Variants in RASAL2 observed in about 807,000 individuals in gnomAD.
RASAL2 encodes ras GTPase-activating protein nGAP.
RASAL2 carries 58 observed loss-of-function variants against 128.9 expected under a neutral mutation model. The observed-to-expected ratio is 0.45, with a 90% CI of 0.36 to 0.56. The LOEUF (loss-of-function observed/expected upper bound fraction) is 0.56, where lower values mean the gene tolerates loss of function less well. Among genes scored for constraint, RASAL2 ranks in the 20% least tolerant of loss-of-function variants. The pLI, the probability that RASAL2 is intolerant of heterozygous loss-of-function variation, is 0.00. For missense variants in RASAL2, 1,360 were observed against 1,601.6 expected (o/e 0.85, Z 2.57); for synonymous variants, 561 against 580.8 (o/e 0.97, Z 0.49).
At chr1:178,223,462 T>G (rs73033424) in intron 1 of RASAL2, among the ~76,000 whole-genome samples, 1 of 152,070 alleles carries the variant, frequency 6.6e-6, no homozygotes, top group African/African-American at 2.4e-5. Context: ...GCAAGAGCCC[T>G]GTGGTGGGAA....
At chr1:178,221,869 A>T (rs935737092) in intron 1 of RASAL2, among the ~76,000 whole-genome samples, 6 of 152,058 alleles carry the variant, frequency 3.9e-5, no homozygotes, top group Admixed American at 1.3e-4. Flanking sequence ...AAAATTTCCA[A>T]CTGTAATACT....
intron 1 of RASAL2, among the ~76,000 whole-genome samples, chr1:178,257,620 C>T (rs1665433600): frequency 1.3e-5 from 2 of 151,876 alleles, no homozygotes; most frequent in African/African-American, 2.4e-5. Context: ...GGTGGCTGCC[C>T]ACGTGCTTGA....
chr1:178,467,476 C>T (rs944542656), intron 17 of RASAL2, 55 bp downstream of exon 17: 55 of 1,475,560 alleles, frequency 3.7e-5, no homozygotes, highest in Non-Finnish European at 5.0e-5. Flanking sequence ...CGATTATTTC[C>T]TGACTTCACA....
At chr1:178,369,169 T>A (rs1671567109) in intron 3 of RASAL2, among the ~76,000 whole-genome samples, 1 of 152,106 alleles carries the variant, frequency 6.6e-6, no homozygotes, top group African/African-American at 2.4e-5. Context: ...ATTTTCTTTT[T>A]TCTTTTTTTG....
At chr1:178,133,764 T>G (rs976293919) in intron 1 of RASAL2, among the ~76,000 whole-genome samples, 2 of 152,122 alleles carry the variant, frequency 1.3e-5, no homozygotes, top group Non-Finnish European at 2.9e-5. Context: ...CAGTAAGTAA[T>G]AGTGCTAAGT....
At chr1:178,358,604 A>G (rs543505213) in intron 3 of RASAL2, among the ~76,000 whole-genome samples, 2 of 152,358 alleles carry the variant, frequency 1.3e-5, no homozygotes, top group Admixed American at 6.5e-5. Flanking sequence ...TGCAAAATCA[A>G]CCATCTTATC....
At chr1:178,439,751 G>T (rs147526212) in intron 6 of RASAL2, among the ~76,000 whole-genome samples, 176 bp downstream of exon 6, 206 of 152,132 alleles carry the variant, frequency 1.4e-3, no homozygotes, top group African/African-American at 4.9e-3. Context: ...AATCATATTT[G>T]CAGTTAAAGT....
intron 4 of RASAL2, among the ~76,000 whole-genome samples, chr1:178,404,212 C>T (rs1274674477): frequency 1.5e-5 from 2 of 136,046 alleles, no homozygotes; most frequent in Admixed American, 8.0e-5. Flanking sequence ...GGCTACAGTG[C>T]GAGACCCCGT....
At chr1:178,423,757 T>A (rs758970156) in intron 5 of RASAL2, among the ~76,000 whole-genome samples, 14 of 152,188 alleles carry the variant, frequency 9.2e-5, no homozygotes, top group Non-Finnish European at 1.8e-4. Flanking sequence ...TGCTAATGCT[T>A]AGTATACTGA....
Position 178,452,670 on chromosome 1 carries a change from A to T in RASAL2, c.2009+18A>T. 1 of 1,579,306 alleles carries T rather than the reference A, an allele frequency of 6.3e-7. No homozygotes were observed. ...TTTGCCAAGTAGGTGATACTGTTGTAACCACTTTAAAAACACAGTTTAAAA... is the reference window on the plus strand; with the variant it reads ...TTTGCCAAGTAGGTGATACTGTTGTTACCACTTTAAAAACACAGTTTAAAA... On this transcript the variant is annotated intron_variant, in intron 11 of 17. Coordinates refer to ENST00000367649, the MANE Select transcript of RASAL2 (RefSeq NM_170692.4).
Position 178,300,115 on chromosome 1 carries a change from C to G in RASAL2, c.454C>G (p.Leu152Val), listed in dbSNP as rs1309470014. 1.6e-5 allele frequency: 26 copies of G among 1,604,720 alleles called. No individual in the cohort carries two copies. Among genetic ancestry groups the G allele is most frequent in the Non-Finnish European group, 2.1e-5 (25 of 1,177,468 alleles). ...PEYPPEGATK[L>V]EVPAERSPRR... ...GTACCCACCAGAGGGCGCCACTAAA[C>G]TGGGTAAGCTACTATGAAAAGGAAA... The change falls in exon 3 of 18, where the codon CTG becomes GTG. Residue 152 changes from leucine to valine, a missense_variant. Leu to Val is a conservative substitution (Grantham distance 32). Transcript: ENST00000367649.
intron 14 of RASAL2, among the ~76,000 whole-genome samples, chr1:178,463,041 A>T (rs1226272337): frequency 6.6e-6 from 1 of 152,124 alleles, no homozygotes; most frequent in Admixed American, 6.5e-5. Flanking sequence ...TCTCCAGTTC[A>T]TCAAAATACC....
chr1:178,104,735 A>T (rs914501223), intron 1 of RASAL2, among the ~76,000 whole-genome samples: 15 of 152,194 alleles, frequency 9.9e-5, no homozygotes, highest in African/African-American at 3.6e-4. Flanking sequence ...CACATATTAA[A>T]TGCCTTGAGT....
intron 6 of RASAL2, 27 bp from the exon 7 acceptor site, chr1:178,441,522 T>C (rs1372634869): frequency 6.4e-7 from 1 of 1,562,838 alleles, no homozygotes; most frequent in Non-Finnish European, 8.8e-7. Context: ...TGTTTTCTTT[T>C]TCTTATGTCT....
At chr1:178,400,115 G>A (rs1673516515) in intron 4 of RASAL2, among the ~76,000 whole-genome samples, 1 of 152,280 alleles carries the variant, frequency 6.6e-6, no homozygotes, top group Non-Finnish European at 1.5e-5. Context: ...CCCGCTGAAG[G>A]CTTTTGAGTT....
chr1:178,233,573 A>G (rs1484928710), intron 1 of RASAL2, among the ~76,000 whole-genome samples: 3 of 152,202 alleles, frequency 2.0e-5, no homozygotes, highest in Admixed American at 2.0e-4. Context: ...GACAACAACA[A>G]AAGGTCATCC....
chr1:178,142,269 T>C lies in RASAL2; in HGVS notation c.202+47575T>C, dbSNP rs1660561979. 9.9e-5 allele frequency among the ~76,000 whole-genome samples: 15 copies of C among 152,118 alleles called. 1 individual carries two copies. Among genetic ancestry groups the C allele is most frequent in the Admixed American group, 9.8e-4 (15 of 15,274 alleles). ...TTAACTGCGGTTGGGGTAGATAAAA[T>C]GACTGGGTAGGGTCCTTCCCAGGAT... On this transcript the variant is annotated intron_variant, in intron 1 of 17. Transcript: ENST00000367649.
chr1:178,336,984 C>A (rs1669617962), intron 3 of RASAL2, among the ~76,000 whole-genome samples: 1 of 151,808 alleles, frequency 6.6e-6, no homozygotes, highest in Admixed American at 6.6e-5. Flanking sequence ...TGGTCTTGTT[C>A]ACATGAAAGC....
chr1:178,364,522 A>G (rs1671301437), intron 3 of RASAL2, among the ~76,000 whole-genome samples: 1 of 152,216 alleles, frequency 6.6e-6, no homozygotes, highest in African/African-American at 2.4e-5. Flanking sequence ...ACTACCTAGT[A>G]CATTGTAAAT....
Sources: allele counts gnomAD v4.1 joint callset (sites outside exome capture counted in the v4.1 genomes callset), GRCh38; gene constraint gnomAD v4.1.1; transcripts MANE v1.5; gene names NCBI Gene and HGNC (gene_info 2026-07-23, HGNC 2026-07-21).